TMEM61: variants seen among roughly 807,000 people sequenced by gnomAD.
TMEM61 encodes transmembrane protein 61.
Under a neutral mutation model 12.0 loss-of-function variants are expected in TMEM61, and 13 were observed. The ratio of observed to expected loss-of-function variants is 1.08; its 90% CI spans 0.70 to 1.72. The LOEUF (loss-of-function observed/expected upper bound fraction) is 1.72. Among genes scored for constraint, TMEM61 ranks in the 40% most tolerant of loss-of-function variants. TMEM61 has a pLI of 0.00. For missense variants in TMEM61, 249 were observed against 276.9 expected, an observed-to-expected ratio of 0.90 and a Z score of 0.71; for synonymous variants, 109 against 121.4, an observed-to-expected ratio of 0.90 and a Z score of 0.67.
intron 1 of TMEM61, among the ~76,000 whole-genome samples, chr1:54,985,219 A>ATGTGTG (rs35817239): frequency 0.014 from 2,067 of 150,722 alleles, 54 homozygotes; most frequent in African/African-American, 0.047. Flanking sequence ...GAACGTGTGT[A>ATGTGTG]TGTGTGTGTG....
intron 2 of TMEM61, among the ~76,000 whole-genome samples, chr1:54,990,056 A>G (rs893136997): frequency 2.6e-5 from 4 of 152,096 alleles, no homozygotes; most frequent in African/African-American, 9.7e-5. Context: ...ACACAGCAGT[A>G]GAACCCAACT....
At chr1:54,987,268 C>G (rs1264494809) in intron 2 of TMEM61, among the ~76,000 whole-genome samples, 1 of 152,200 alleles carries the variant, frequency 6.6e-6, no homozygotes, top group African/African-American at 2.4e-5. Flanking sequence ...TCAACTTTTC[C>G]TCTAGTGGAC....
chr1:54,991,728 G>A, intron 2 of TMEM61, 108 bp from the exon 3 acceptor site: 1 of 1,328,506 alleles, frequency 7.5e-7, no homozygotes, highest in South Asian at 1.4e-5. Flanking sequence ...ACAAAGGCTT[G>A]GAGCAGGGTG....
intron 1 of TMEM61, among the ~76,000 whole-genome samples, chr1:54,982,615 A>C (rs1176858378): frequency 6.6e-6 from 1 of 152,208 alleles, no homozygotes; most frequent in Non-Finnish European, 1.5e-5. Context: ...TGCAGGGGCT[A>C]GTCTGAGGCC....
At chr1:54,982,292 GA>G (rs1317581801) in intron 1 of TMEM61, among the ~76,000 whole-genome samples, 1 of 152,190 alleles carries the variant, frequency 6.6e-6, no homozygotes, top group African/African-American at 2.4e-5. Flanking sequence ...GGTGCAATGA[GA>G]GTCCTGGATG....
intron 1 of TMEM61, among the ~76,000 whole-genome samples, chr1:54,985,829 C>T (rs1644253575): frequency 6.6e-6 from 1 of 152,136 alleles, no homozygotes; most frequent in African/African-American, 2.4e-5. Context: ...CCCCTGAGGC[C>T]TGGAGGGAGG....
chr1:54,984,628 G>A (rs1315527051), intron 1 of TMEM61, among the ~76,000 whole-genome samples: 1 of 152,188 alleles, frequency 6.6e-6, no homozygotes, highest in Non-Finnish European at 1.5e-5. Context: ...AGGCACTGAG[G>A]GGATATAGTG....
chr1:54,986,967 C>T lies in TMEM61; in HGVS notation c.365+521C>T, dbSNP rs76995291. ...GTACAGCCCTGTGCCAGGCACTGTT[C>T]AAAGTGCTCTTCCATACTCGCTCAG... On this transcript the variant is annotated intron_variant, in intron 2 of 2. Transcript: ENST00000371268. 2.2e-3 allele frequency among the ~76,000 whole-genome samples: 342 copies of T among 152,328 alleles called. 3 individuals carry two copies. Among genetic ancestry groups the T allele is most frequent in the African/African-American group, 7.9e-3 (330 of 41,574 alleles).
Position 54,992,233 on chromosome 1 carries a change from T to C in TMEM61, c.*130T>C. 2 of 1,155,732 alleles carry C rather than the reference T, an allele frequency of 1.7e-6. No homozygotes were observed. Among genetic ancestry groups the C allele is most frequent in the South Asian group, 3.0e-5 (2 of 66,176 alleles). The allele number at this position is 1,155,732 out of a possible 1,614,324, so 71.6% of individuals were successfully genotyped here. ...GAAGGCTGTTCTATTTATCTATTGC[T>C]GTATAACAAACCACCCCAGAATTTA... On this transcript the variant is annotated 3_prime_UTR_variant, in exon 3 of 3. Coordinates refer to ENST00000371268, the MANE Select transcript of TMEM61 (RefSeq NM_182532.3).
chr1:54,982,946 G>A (rs943172635), intron 1 of TMEM61, among the ~76,000 whole-genome samples: 5 of 152,016 alleles, frequency 3.3e-5, no homozygotes, highest in African/African-American at 9.7e-5. Flanking sequence ...TCCTTGGCAT[G>A]GTGCCCAGCC....
chr1:54,991,735 G>A, intron 2 of TMEM61, 101 bp from the exon 3 acceptor site: 2 of 1,364,304 alleles, frequency 1.5e-6, no homozygotes, highest in South Asian at 1.4e-5. Flanking sequence ...CTTGGAGCAG[G>A]GTGTGAAGAC....
In TMEM61 at chr1:54,991,828, T is replaced by A; in HGVS notation, c.366-8T>A. 6.2e-7 allele frequency: 1 copy of A among 1,613,224 alleles called. No individual in the cohort carries two copies. The highest frequency in any genetic ancestry group is 8.5e-7 in the Non-Finnish European group (1 of 1,179,576). ...CCCCTGCTAACAGCCTCTCTTCTGT[T>A]CCTGCAGGACCCCCAAAGTGGTTGA... On this transcript the variant is annotated splice_polypyrimidine_tract_variant and splice_region_variant and intron_variant, in intron 2 of 2. Coordinates refer to ENST00000371268, the MANE Select transcript of TMEM61 (RefSeq NM_182532.3).
rs181905647 is a variant in TMEM61 at position 54,992,213 on chromosome 1, C to T, written c.*110C>T. 3.8e-4 allele frequency: 505 copies of T among 1,339,336 alleles called. No homozygotes were observed. Among genetic ancestry groups the T allele is most frequent in the Non-Finnish European group, 4.9e-4 (481 of 982,938 alleles). 83.0% of individuals were successfully genotyped at this position (1,339,336 alleles called of 1,614,324 possible). A position where few individuals can be genotyped will look rare whatever the true frequency, so the allele number is the denominator to read the frequency against. ...CTCAGCAAACGTTCGTTGTTGAAGG[C>T]TGTTCTATTTATCTATTGCTGTATA... On this transcript the variant is annotated 3_prime_UTR_variant, in exon 3 of 3. Coordinates refer to ENST00000371268, the MANE Select transcript of TMEM61 (RefSeq NM_182532.3).
Position 54,980,826 on chromosome 1 carries a change from G to A in TMEM61, c.-240G>A. ...CGGTCCCTGCGCACCGGGTGCGGGC[G>A]GCGGAGAGGGCGCGGCTGGTGAGCC... is the stretch of plus-strand genomic sequence containing the variant. On this transcript the variant is annotated 5_prime_UTR_variant, in exon 1 of 3. Transcript: ENST00000371268. The A allele has an allele frequency of 2.5e-6, 1 of 395,392 alleles. No individual in the cohort carries two copies. The highest frequency in any genetic ancestry group is 3.7e-5 in the East Asian group (1 of 27,282). 24.5% of individuals were successfully genotyped at this position (395,392 alleles called of 1,614,324 possible).
chr1:54,989,001 G>T (rs568950992), intron 2 of TMEM61, among the ~76,000 whole-genome samples: 3 of 152,296 alleles, frequency 2.0e-5, no homozygotes, highest in Admixed American at 6.5e-5. Flanking sequence ...ATCGCTGTCA[G>T]GCTCAGATGA....
Position 54,981,086 on chromosome 1 carries a change from T to C in TMEM61, c.15+6T>C. ...TCCCGATGGCCCTGCCCCAGGTGGGTGGAAACGGCCTTCTCCCTCCTTTAC... is the reference window on the plus strand; with the variant it reads ...TCCCGATGGCCCTGCCCCAGGTGGGCGGAAACGGCCTTCTCCCTCCTTTAC... On this transcript the variant is annotated splice_donor_region_variant and intron_variant, in intron 1 of 2. Transcript: ENST00000371268. 6.3e-7 allele frequency: 1 copy of C among 1,587,042 alleles called. No individual in the cohort carries two copies. The highest frequency in any genetic ancestry group is 1.2e-5 in the South Asian group (1 of 86,660).
chr1:54,984,910 C>A (rs576391185), intron 1 of TMEM61, among the ~76,000 whole-genome samples: 1 of 152,114 alleles, frequency 6.6e-6, no homozygotes, highest in Non-Finnish European at 1.5e-5. Flanking sequence ...CCTAGGTTTC[C>A]GCCTCCTACA....
rs1644217976 is a variant in TMEM61, at chr1:54,981,147, G to A, written c.15+67G>A. The A allele has an allele frequency of 4.6e-6, 7 of 1,525,936 alleles. No individual in the cohort carries two copies. In the Admixed American group the frequency reaches 6.1e-5, roughly 13 times the overall value. The allele number at this position is 1,525,936 out of a possible 1,614,324, so 94.5% of individuals were successfully genotyped here. ...CCCCTTCTGTCGTCGACCTTGCCCC[G>A]ACCCCTTCCCCTAACCTCGGTCACC... is the stretch of plus-strand genomic sequence containing the variant. On this transcript the variant is annotated intron_variant, in intron 1 of 2. Transcript: ENST00000371268.
At chr1:54,986,987 G>T (rs942969735) in intron 2 of TMEM61, among the ~76,000 whole-genome samples, 27 of 152,250 alleles carry the variant, frequency 1.8e-4, no homozygotes, top group African/African-American at 6.5e-4. Flanking sequence ...TTCCATACTC[G>T]CTCAGCTGAT....
Sources: gnomAD v4.1 joint callset for allele counts (sites outside exome capture counted in the v4.1 genomes callset) on GRCh38, gnomAD v4.1.1 for gene constraint, MANE v1.5 for transcripts, NCBI Gene and HGNC (gene_info 2026-07-23, HGNC 2026-07-21) for gene names.